WBP4: variants seen among roughly 807,000 people sequenced by gnomAD.
WBP4 encodes WW domain binding protein 4, also known as WW domain-binding protein 4.
A neutral mutation model predicts 55.4 loss-of-function variants in WBP4; 37 were observed. The ratio of observed to expected loss-of-function variants is 0.67; its 90% CI spans 0.51 to 0.88. WBP4 has a LOEUF of 0.88. WBP4 is among the 40% of genes least tolerant of loss of function. The pLI is 0.00. For synonymous variants in WBP4, 142 were observed against 140.2 expected (o/e 1.01, Z -0.09); for missense variants, 398 against 420.8 (o/e 0.95, Z 0.47).
chr13:41,062,665 G>A lies in WBP4; in HGVS notation c.24G>A (p.Gln8=). The A allele has an allele frequency of 6.2e-7, 1 of 1,613,792 alleles. No individual in the cohort carries two copies. Among genetic ancestry groups the A allele is most frequent in the Non-Finnish European group, 8.5e-7 (1 of 1,179,822 alleles). The change falls in exon 2 of 10, where the codon CAG becomes CAA. Residue 8 remains glutamine, a synonymous_variant. Transcript: ENST00000379487. ...TCAGGGCGGACTACTGGAAGTCACA[G>A]CCAAAGAAATTCTGTGATTACTGCA... MADYWKS[Q]PKKFCDYCKC...
At chr13:41,071,463 AT>A in intron 5 of WBP4, 63 bp from the exon 6 acceptor site, 10 of 1,477,396 alleles carry the variant, frequency 6.8e-6, no homozygotes, top group African/African-American at 1.4e-5. Flanking sequence ...TTTTGTCCAA[AT>A]TTTTTGGAAA....
chr13:41,079,633 T>C (rs1193878296), intron 8 of WBP4, among the ~76,000 whole-genome samples: 2 of 152,028 alleles, frequency 1.3e-5, no homozygotes, highest in African/African-American at 4.8e-5. Flanking sequence ...AGAATGTATG[T>C]TGGTATAACC....
chr13:41,066,402 G>A (rs916396702), intron 4 of WBP4, among the ~76,000 whole-genome samples: 4 of 152,106 alleles, frequency 2.6e-5, no homozygotes. Context: ...ATTTTTTGCA[G>A]ACCTCTTCTT....
intron 5 of WBP4, 51 bp downstream of exon 5, chr13:41,068,788 A>G: frequency 7.0e-7 from 1 of 1,431,836 alleles, no homozygotes; most frequent in Non-Finnish European, 9.2e-7. Context: ...CTAGTAGAAT[A>G]GAACAATTTA....
At chr13:41,069,489 C>T (rs1254266584) in intron 5 of WBP4, among the ~76,000 whole-genome samples, 1 of 151,924 alleles carries the variant, frequency 6.6e-6, no homozygotes, top group East Asian at 1.9e-4. Context: ...GGTGAAACCC[C>T]GTCTCTACTG....
At position 41,082,628 on chromosome 13, in the gene WBP4, G is replaced by A. The variant is rs1878830931; in HGVS notation, c.921-76G>A. On this transcript the variant is annotated intron_variant, in intron 9 of 9. Coordinates refer to ENST00000379487, the MANE Select transcript of WBP4 (RefSeq NM_007187.5). ...CAACTTCTAATGTCATTAGAAAGCT[G>A]ATCTTGGGGCATTGGTTATATGAAA... 6 of 1,363,534 alleles carry A rather than the reference G, an allele frequency of 4.4e-6. No individual in the cohort carries two copies. In the South Asian group the frequency reaches 7.6e-5, roughly 17 times the overall value. 84.5% of individuals were successfully genotyped at this position (1,363,534 alleles called of 1,614,324 possible).
chr13:41,063,548 A>T (rs1439412316), intron 2 of WBP4, among the ~76,000 whole-genome samples: 2 of 152,112 alleles, frequency 1.3e-5, no homozygotes, highest in Non-Finnish European at 2.9e-5. Context: ...TATCCTTATA[A>T]ATAAATACCA....
intron 6 of WBP4, 103 bp downstream of exon 6, chr13:41,071,676 C>T (rs1878252213): frequency 2.0e-6 from 2 of 997,086 alleles, no homozygotes; most frequent in Admixed American, 2.2e-5. Flanking sequence ...ACAAATACTC[C>T]ACTCCCTCCA....
In WBP4 at chr13:41,082,716, T is replaced by G. The variant is rs770420056; in HGVS notation, c.933T>G (p.Asp311Glu). 4 of 1,613,992 alleles carry G rather than the reference T, an allele frequency of 2.5e-6. No individual in the cohort carries two copies. The highest frequency in any genetic ancestry group is 3.4e-6 in the Non-Finnish European group (4 of 1,179,986). ...ACTCTATTTCCAGTGAGGAGGTAGA[T>G]TTGGAACTTCCAAGCACTGAAAATG... is the stretch of plus-strand genomic sequence containing the variant. ...KQEVESHEEV[D>E]LELPSTENEY... The change falls in exon 10 of 10, where the codon GAT becomes GAG. Residue 311 changes from aspartate to glutamate, a missense_variant. Transcript: ENST00000379487.
intron 8 of WBP4, among the ~76,000 whole-genome samples, chr13:41,076,453 T>A (rs1878499363): frequency 6.6e-6 from 1 of 151,758 alleles, no homozygotes; most frequent in South Asian, 2.1e-4. Flanking sequence ...TAATTTTTTT[T>A]ATTGTTAGTA....
At chr13:41,061,718 C>CT in intron 1 of WBP4, 43 bp downstream of exon 1, 2 of 1,613,100 alleles carry the variant, frequency 1.2e-6, no homozygotes, top group Non-Finnish European at 1.7e-6. Context: ...TGTTGTTTCT[C>CT]TGGGCCGCCC....
At chr13:41,067,088 C>G (rs1288853746) in intron 4 of WBP4, among the ~76,000 whole-genome samples, 2 of 152,074 alleles carry the variant, frequency 1.3e-5, no homozygotes, top group South Asian at 4.1e-4. Flanking sequence ...TCCCGGGCTC[C>G]AGTGATCCTC....
chr13:41,081,152 G>A (rs1269367794), intron 9 of WBP4, among the ~76,000 whole-genome samples: 2 of 151,838 alleles, frequency 1.3e-5, no homozygotes, highest in African/African-American at 2.4e-5. Flanking sequence ...AGCTGAAATC[G>A]CGCCACTGGA....
At chr13:41,065,889 T>C (rs1410126209) in intron 4 of WBP4, among the ~76,000 whole-genome samples, 2 of 152,208 alleles carry the variant, frequency 1.3e-5, no homozygotes, top group African/African-American at 4.8e-5. Flanking sequence ...TCAAATCCGT[T>C]TTCCTTAAAC....
rs768265582 is a variant in WBP4, at chr13:41,072,766, T to C, written c.487-16T>C. ...GGTTATCCTTAGTTTATGCTGGGTT[T>C]TTTTCCTCCTATTAGACAGCAGTGA... is the stretch of plus-strand genomic sequence containing the variant. On this transcript the variant is annotated splice_polypyrimidine_tract_variant and intron_variant, in intron 6 of 9. Transcript: ENST00000379487. 5 of 1,610,084 alleles carry C rather than the reference T, an allele frequency of 3.1e-6. No individual in the cohort carries two copies. Among genetic ancestry groups the C allele is most frequent in the Non-Finnish European group, 4.2e-6 (5 of 1,178,434 alleles).
chr13:41,067,247 C>T (rs568450048), intron 4 of WBP4, among the ~76,000 whole-genome samples: 1 of 152,290 alleles, frequency 6.6e-6, no homozygotes, highest in East Asian at 1.9e-4. Context: ...AGCCACTGTC[C>T]CCCACCAAAA....
At chr13:41,071,887 C>CA (rs1251844806) in intron 6 of WBP4, among the ~76,000 whole-genome samples, 2 of 151,636 alleles carry the variant, frequency 1.3e-5, no homozygotes, top group Non-Finnish European at 2.9e-5. Context: ...CTAAAAACTA[C>CA]AAAAAAATTA....
At chr13:41,061,818 G>C (rs1877659826) in intron 1 of WBP4, 143 bp downstream of exon 1, 1 of 1,369,406 alleles carries the variant, frequency 7.3e-7, no homozygotes, top group Non-Finnish European at 1.0e-6. Flanking sequence ...ACCGGCCCCA[G>C]ACCTGCAGGG....
rs1555284496 is a variant in WBP4, at chr13:41,065,288, G to GA, written c.262+1_262+2insA. On this transcript the variant is annotated splice_donor_variant, in intron 4 of 9. Coordinates refer to ENST00000379487, the MANE Select transcript of WBP4 (RefSeq NM_007187.5). LOFTEE classifies it high-confidence loss of function. ...TTGAAAAGACTTGGCTTAGAGTCAG[G>GA]TAAAAAAAAAAAAAAAAAAAAAGCA... 9.4e-6 allele frequency: 11 copies of GA among 1,172,432 alleles called. No individual in the cohort carries two copies. Among genetic ancestry groups the GA allele is most frequent in the South Asian group, 1.7e-5 (1 of 58,146 alleles). The allele number at this position is 1,172,432 out of a possible 1,614,324, so 72.6% of individuals were successfully genotyped here. A position where few individuals can be genotyped will look rare whatever the true frequency, so the allele number is the denominator to read the frequency against.
Sources: allele counts gnomAD v4.1 joint callset (sites outside exome capture counted in the v4.1 genomes callset), GRCh38; gene constraint gnomAD v4.1.1; transcripts MANE v1.5; gene names NCBI Gene and HGNC (gene_info 2026-07-23, HGNC 2026-07-21).